The following MCC variants were observed in gnomAD, a reference collection of about 807,000 sequenced individuals.
MCC encodes the protein colorectal mutant cancer protein.
Under a neutral mutation model 116.2 loss-of-function variants are expected in MCC, and 90 were observed. The ratio of observed to expected loss-of-function variants is 0.77; its 90% CI spans 0.65 to 0.92. The LOEUF (loss-of-function observed/expected upper bound fraction) is 0.92, where lower values mean the gene tolerates loss of function less well. Ranked by LOEUF, MCC falls within the 40% of genes least tolerant of loss-of-function variation. The pLI is 0.00. For synonymous variants in MCC, 578 were observed against 510.5 expected, an observed-to-expected ratio of 1.13 and a Z score of -1.78; for missense variants, 1,516 against 1,312.2, an observed-to-expected ratio of 1.16 and a Z score of -2.40.
intron 11 of MCC, among the ~76,000 whole-genome samples, chr5:113,075,505 C>T (rs1485800849): frequency 3.3e-5 from 5 of 152,204 alleles, no homozygotes; most frequent in Admixed American, 1.3e-4. Flanking sequence ...GCTCTTGAGT[C>T]GGGTGGGGTC....
At chr5:113,435,903 G>C (rs1017249322) in intron 1 of MCC, 5 of 152,526 alleles carry the variant, frequency 3.3e-5, no homozygotes, top group African/African-American at 1.2e-4. Context: ...ACAAGCAGCA[G>C]GGGAAGCACT....
chr5:113,348,470 G>A (rs1031984052), intron 2 of MCC, among the ~76,000 whole-genome samples: 4 of 152,010 alleles, frequency 2.6e-5, no homozygotes, highest in African/African-American at 9.6e-5. Flanking sequence ...ATAACCAGTG[G>A]GTCAATGAAG....
At chr5:113,121,371 G>T (rs977527983) in intron 6 of MCC, among the ~76,000 whole-genome samples, 1 of 152,188 alleles carries the variant, frequency 6.6e-6, no homozygotes, top group Non-Finnish European at 1.5e-5. Flanking sequence ...GTCATGGCCT[G>T]TAAGACTCTG....
At chr5:113,406,759 T>C (rs1366551968) in intron 1 of MCC, among the ~76,000 whole-genome samples, 1 of 152,164 alleles carries the variant, frequency 6.6e-6, no homozygotes. Context: ...TACACGCACC[T>C]TACAAAGAGA....
intron 2 of MCC, among the ~76,000 whole-genome samples, chr5:113,359,017 T>TTC (rs1171513795): frequency 6.6e-6 from 1 of 152,186 alleles, no homozygotes; most frequent in East Asian, 1.9e-4. Context: ...CTATCTATCC[T>TTC]TCTCCTAAGG....
chr5:113,024,508 C>T lies in MCC; in HGVS notation c.*2794G>A, dbSNP rs1750390709. On this transcript the variant is annotated 3_prime_UTR_variant, in exon 19 of 19. Coordinates refer to ENST00000408903, the MANE Select transcript of MCC (RefSeq NM_001085377.2). ...GGGTCCTTTGGCTCTGTGCCCATTT[C>T]TTCAAAAGCCAAAGACTGAATTCTG... 6.6e-6 allele frequency: 1 copy of T among 152,186 alleles called. No homozygotes were observed. The highest frequency in any genetic ancestry group is 2.4e-5 in the African/African-American group (1 of 41,456). 9.4% of individuals were successfully genotyped at this position (152,186 alleles called of 1,614,324 possible).
Position 113,109,498 on chromosome 5 carries a change from G to C in MCC, c.1028-5143C>G, listed in dbSNP as rs377096672. The stretch of plus-strand genomic sequence containing the variant: ...AAGTTTACCGGGGTGGGGGTGATGC[G>C]AGAATAGGGAGTTATTGCTTAACGG... On this transcript the variant is annotated intron_variant, in intron 6 of 18. Transcript: ENST00000408903. Among the ~76,000 whole-genome samples, 5 of 152,178 alleles carry C rather than the reference G, an allele frequency of 3.3e-5. No individual in the cohort carries two copies. The East Asian group carries it at 5.8e-4, about 18-fold the overall frequency.
intron 6 of MCC, among the ~76,000 whole-genome samples, chr5:113,116,666 T>C (rs1259272867): frequency 6.6e-6 from 1 of 152,128 alleles, no homozygotes; most frequent in Non-Finnish European, 1.5e-5. Context: ...TTGGGGAAAA[T>C]ATTCCAAAGT....
intron 17 of MCC, among the ~76,000 whole-genome samples, chr5:113,034,680 T>A (rs1272656213): frequency 6.6e-6 from 1 of 152,266 alleles, no homozygotes; most frequent in African/African-American, 2.4e-5. Flanking sequence ...ATATGTGATG[T>A]CTCTCATCCT....
In MCC at chr5:113,340,550, A is replaced by G; in HGVS notation, c.596T>C (p.Val199Ala). Residue 199 changes from valine to alanine, a missense_variant, in exon 3 of 19, where the codon GTA (valine) becomes GCA (alanine). Coordinates refer to ENST00000408903, the MANE Select transcript of MCC (RefSeq NM_001085377.2). ...LTQSPHIGNS[V>A]GGSYLELANT... ...GGCCAGCTCTAGATAGCTTCCTCCT[A>G]CAGAGTTGCCAATGTGCGGGGACTG... The G allele has an allele frequency of 1.9e-6, 3 of 1,614,128 alleles. No homozygotes were observed. Among genetic ancestry groups the G allele is most frequent in the Admixed American group, 1.7e-5 (1 of 60,026 alleles).
chr5:113,126,179 G>A (rs1758038962), intron 5 of MCC, among the ~76,000 whole-genome samples: 1 of 152,150 alleles, frequency 6.6e-6, no homozygotes, highest in Non-Finnish European at 1.5e-5. Context: ...AACCATTAAT[G>A]TTTGCTCCTA....
intron 5 of MCC, among the ~76,000 whole-genome samples, chr5:113,138,208 GGT>G (rs1758953860): frequency 6.6e-6 from 1 of 151,902 alleles, no homozygotes; most frequent in African/African-American, 2.4e-5. Context: ...GGTAGAGAGG[GGT>G]GTGTTGGCTA....
intron 1 of MCC, among the ~76,000 whole-genome samples, chr5:113,388,627 G>T (rs2150394678): frequency 6.6e-6 from 1 of 152,272 alleles, no homozygotes; most frequent in South Asian, 2.1e-4. Flanking sequence ...GTTCCCCTTT[G>T]CCTTCCGCCA....
chr5:113,458,749 T>C (rs1771653592), intron 1 of MCC, among the ~76,000 whole-genome samples: 1 of 152,060 alleles, frequency 6.6e-6, no homozygotes, highest in Non-Finnish European at 1.5e-5. Context: ...GAAGAAAGTG[T>C]GAGGGGTTAC....
chr5:113,068,667 G>A (rs937622976), intron 12 of MCC, among the ~76,000 whole-genome samples: 1 of 152,212 alleles, frequency 6.6e-6, no homozygotes, highest in Non-Finnish European at 1.5e-5. Context: ...TCACTATCTT[G>A]GACCATCCTC....
chr5:113,438,396 A>C (rs957100943), intron 1 of MCC, among the ~76,000 whole-genome samples: 1 of 152,210 alleles, frequency 6.6e-6, no homozygotes, highest in African/African-American at 2.4e-5. Context: ...TTATTAGTAC[A>C]GTGTGACTCT....
rs1750208547 is a variant in MCC at position 113,022,453 on chromosome 5, T to C, written c.*4849A>G. The C allele has an allele frequency of 6.6e-6, 1 of 152,592 alleles. No homozygotes were observed. Among genetic ancestry groups the C allele is most frequent in the African/African-American group, 2.4e-5 (1 of 41,446 alleles). 9.5% of individuals were successfully genotyped at this position (152,592 alleles called of 1,614,324 possible). On this transcript the variant is annotated 3_prime_UTR_variant, in exon 19 of 19. Transcript: ENST00000408903. ...TTCAAGTGTATAGCACATATTCAAA[T>C]AATAGGAAACAAATCTCATGCAAAG...
chr5:113,123,758 C>T (rs1757868390), intron 5 of MCC, among the ~76,000 whole-genome samples: 1 of 152,140 alleles, frequency 6.6e-6, no homozygotes, highest in African/African-American at 2.4e-5. Flanking sequence ...TGCAAGTGAA[C>T]CAGTAGGGGG....
At chr5:113,047,480 T>G (rs1561751156) in intron 16 of MCC, among the ~76,000 whole-genome samples, 1 of 152,214 alleles carries the variant, frequency 6.6e-6, no homozygotes, top group South Asian at 2.1e-4. Context: ...TGGCCATTTG[T>G]GAATCATGCT....
Sources: gnomAD v4.1 joint callset for allele counts (sites outside exome capture counted in the v4.1 genomes callset) on GRCh38, gnomAD v4.1.1 for gene constraint, MANE v1.5 for transcripts, NCBI Gene and HGNC (gene_info 2026-07-23, HGNC 2026-07-21) for gene names.